The following LMAN2 variants were observed in gnomAD, a reference collection of about 807,000 sequenced individuals.
LMAN2 encodes the protein vesicular integral-membrane protein VIP36.
LMAN2 carries 22 observed loss-of-function variants against 39.3 expected under a neutral mutation model. The observed-to-expected ratio is 0.56, with a 90% CI of 0.40 to 0.80. The LOEUF (loss-of-function observed/expected upper bound fraction) is 0.80. Among genes scored for constraint, LMAN2 ranks in the 30% least tolerant of loss-of-function variants. The pLI, the probability that LMAN2 is intolerant of heterozygous loss-of-function variation, is 0.00. For synonymous variants in LMAN2, 207 were observed against 207.8 expected, an observed-to-expected ratio of 1.00 and a Z score of 0.03; for missense variants, 494 against 505.4, an observed-to-expected ratio of 0.98 and a Z score of 0.22.
intron 2 of LMAN2, among the ~76,000 whole-genome samples, chr5:177,344,523 ACCTACCTCGG>A (rs1238817316): frequency 1.3e-5 from 2 of 150,758 alleles, no homozygotes. Flanking sequence ...CTCGTGATCC[ACCTACCTCGG>A]TCTCCCAAAG....
At chr5:177,350,457 T>C (rs1761704746) in intron 2 of LMAN2, among the ~76,000 whole-genome samples, 1 of 152,152 alleles carries the variant, frequency 6.6e-6, no homozygotes, top group East Asian at 1.9e-4. Context: ...ACATACTACA[T>C]ACTACATACT....
intron 2 of LMAN2, 25 bp from the exon 3 acceptor site, chr5:177,338,630 C>T: frequency 6.2e-7 from 1 of 1,601,842 alleles, no homozygotes; most frequent in African/African-American, 1.3e-5. Flanking sequence ...GAATGGGCTG[C>T]TCAGAGCTCC....
chr5:177,338,738 G>A (rs539581350), intron 2 of LMAN2, 133 bp from the exon 3 acceptor site: 5 of 733,848 alleles, frequency 6.8e-6, no homozygotes, highest in East Asian at 2.5e-5. Context: ...CCTTGGCACA[G>A]GGCCACAAGT....
intron 2 of LMAN2, among the ~76,000 whole-genome samples, chr5:177,342,008 T>C (rs568248580): frequency 1.3e-5 from 2 of 151,952 alleles, no homozygotes; most frequent in Admixed American, 6.5e-5. Context: ...AAAAGAAGAC[T>C]AGAGAGAAAA....
Position 177,334,381 on chromosome 5 carries a change from C to A in LMAN2, c.813G>T (p.Met271Ile), listed in dbSNP as rs1266517978. Residue 271 changes from methionine (M) to isoleucine (I), a missense_variant, in exon 7 of 8, where the codon ATG (methionine) becomes ATT (isoleucine). By Grantham distance (10) the Met-to-Ile change is conservative. Transcript: ENST00000303127. ...DLSDNHDIIS[M>I]KLFQLMVEHT... ...GCTCCACCATCAGCTGGAACAGCTTCATGGAGATGATGTCATGATTGTCTG... is the reference window on the plus strand; with the variant it reads ...GCTCCACCATCAGCTGGAACAGCTTAATGGAGATGATGTCATGATTGTCTG... The A allele has an allele frequency of 1.9e-6, 3 of 1,613,532 alleles. No individual in the cohort carries two copies. In the Admixed American group the frequency reaches 5.0e-5, roughly 27 times the overall value.
chr5:177,343,811 TAG>T (rs907407581), intron 2 of LMAN2, among the ~76,000 whole-genome samples: 4 of 151,968 alleles, frequency 2.6e-5, no homozygotes, highest in South Asian at 2.1e-4. Context: ...GTTAAATGGG[TAG>T]AGAGTTTCAG....
intron 7 of LMAN2, among the ~76,000 whole-genome samples, chr5:177,333,266 G>C (rs80018603): frequency 6.6e-6 from 1 of 152,188 alleles, no homozygotes; most frequent in Non-Finnish European, 1.5e-5. Flanking sequence ...GCCTGATCTC[G>C]TGTCTCCAGC....
intron 6 of LMAN2, among the ~76,000 whole-genome samples, chr5:177,335,664 G>C (rs1161134759): frequency 1.3e-5 from 2 of 152,212 alleles, no homozygotes; most frequent in Non-Finnish European, 2.9e-5. Flanking sequence ...GGCAGGAAGG[G>C]TGCTTACCAG....
At chr5:177,333,364 T>C (rs1004689372) in intron 7 of LMAN2, among the ~76,000 whole-genome samples, 1 of 152,240 alleles carries the variant, frequency 6.6e-6, no homozygotes, top group Non-Finnish European at 1.5e-5. Flanking sequence ...TCATCCTGCC[T>C]TGCCAGCTGC....
intron 2 of LMAN2, among the ~76,000 whole-genome samples, chr5:177,339,615 C>A (rs945944428): frequency 6.6e-6 from 1 of 152,196 alleles, no homozygotes; most frequent in Admixed American, 6.5e-5. Flanking sequence ...AAAGACCCAT[C>A]ACAAAGGCAA....
intron 2 of LMAN2, among the ~76,000 whole-genome samples, chr5:177,349,138 C>T (rs1761683093): frequency 6.6e-6 from 1 of 152,124 alleles, no homozygotes; most frequent in Non-Finnish European, 1.5e-5. Flanking sequence ...TGAGCAGCCT[C>T]CCCAGGTCCT....
chr5:177,346,660 AT>A (rs901757800), intron 2 of LMAN2, among the ~76,000 whole-genome samples: 1 of 151,698 alleles, frequency 6.6e-6, no homozygotes, highest in South Asian at 2.1e-4. Flanking sequence ...ATATACAGAA[AT>A]TTTTTTAACA....
chr5:177,341,116 G>T (rs1006785625), intron 2 of LMAN2, among the ~76,000 whole-genome samples: 4 of 142,624 alleles, frequency 2.8e-5, no homozygotes, highest in African/African-American at 1.1e-4. Flanking sequence ...GCCCAGGCTG[G>T]AGTGCAATGG....
At position 177,337,282 on chromosome 5, in the gene LMAN2, G is replaced by C; in HGVS notation, c.676-32C>G. 1 of 1,613,154 alleles carries C rather than the reference G, an allele frequency of 6.2e-7. No homozygotes were observed. On this transcript the variant is annotated intron_variant, in intron 5 of 7. Coordinates refer to ENST00000303127, the MANE Select transcript of LMAN2 (RefSeq NM_006816.3). The surrounding 1 kb of genome is among the most constrained non-coding windows in gnomAD (Gnocchi z 8.2). ...GGCCCAGCACGCTAAGCACCTCGCA[G>C]GACAGCAGCCTGCCCTCCTGAGCCT...
rs751781307 is a variant in LMAN2 at position 177,334,357 on chromosome 5, C to T, written c.837G>A (p.Glu279=). Residue 279 remains glutamate, a synonymous_variant, in exon 7 of 8, where the codon GAG becomes GAA. Coordinates refer to ENST00000303127, the MANE Select transcript of LMAN2 (RefSeq NM_006816.3). ...ISMKLFQLMV[E]HTPDEESIDW... ...CGATGCTCTCCTCGTCGGGCGTGTG[C>T]TCCACCATCAGCTGGAACAGCTTCA... 1.2e-6 allele frequency: 2 copies of T among 1,613,760 alleles called. No individual in the cohort carries two copies. The highest frequency in any genetic ancestry group is 2.2e-5 in the South Asian group (2 of 91,078).
At chr5:177,346,407 C>A in intron 2 of LMAN2, 1 of 722,264 alleles carries the variant, frequency 1.4e-6, no homozygotes, top group Non-Finnish European at 1.9e-6. Flanking sequence ...AGGTGGAAGT[C>A]ACCATTGCAG....
At chr5:177,339,809 C>T (rs1761526012) in intron 2 of LMAN2, among the ~76,000 whole-genome samples, 5 of 152,120 alleles carry the variant, frequency 3.3e-5, no homozygotes. Context: ...GTATAATAAA[C>T]ATATTACTTC....
chr5:177,337,757 G>A lies in LMAN2; in HGVS notation c.462C>T (p.Phe154=), dbSNP rs1271119963. Residue 154 remains phenylalanine (F), a synonymous_variant, in exon 4 of 8, where the codon TTC becomes TTT. Coordinates refer to ENST00000303127, the MANE Select transcript of LMAN2 (RefSeq NM_006816.3). The surrounding 1 kb of genome is among the most constrained non-coding windows in gnomAD (Gnocchi z 8.2). ...TGTCCAGGAAGATGGCTAAGCCGTG[G>A]AAGTTATCTTTGCTTCCAAACACAG... ...PGPVFGSKDN[F]HGLAIFLDTY... 8 of 1,613,986 alleles carry A rather than the reference G, an allele frequency of 5.0e-6. No individual in the cohort carries two copies. Among genetic ancestry groups the A allele is most frequent in the Non-Finnish European group, 6.8e-6 (8 of 1,179,986 alleles).
intron 7 of LMAN2, among the ~76,000 whole-genome samples, chr5:177,333,236 G>A (rs541743322): frequency 6.6e-6 from 1 of 152,302 alleles, no homozygotes; most frequent in South Asian, 2.1e-4. Context: ...ACCCTAGAAT[G>A]AGCCCCAGGG....
Sources: allele counts gnomAD v4.1 joint callset (sites outside exome capture counted in the v4.1 genomes callset), GRCh38; gene constraint gnomAD v4.1.1; non-coding constraint Gnocchi (gnomAD v3.1); transcripts MANE v1.5; gene names NCBI Gene and HGNC (gene_info 2026-07-23, HGNC 2026-07-21).